Variants in MACROD2 observed in about 807,000 individuals in gnomAD.
The protein encoded by MACROD2 is ADP-ribose glycohydrolase MACROD2.
MACROD2 carries 36 observed loss-of-function variants against 70.4 expected under a neutral mutation model. The observed-to-expected ratio is 0.51, with a 90% CI of 0.39 to 0.68. MACROD2 has a LOEUF of 0.68. Among genes scored for constraint, MACROD2 ranks in the 30% least tolerant of loss-of-function variants. MACROD2 has a pLI of 0.00. For missense variants in MACROD2, 496 were observed against 538.4 expected (o/e 0.92, Z 0.78); for synonymous variants, 172 against 178.8 (o/e 0.96, Z 0.30).
chr20:14,767,567 C>T (rs1195334470), intron 5 of MACROD2, among the ~76,000 whole-genome samples: 1 of 152,016 alleles, frequency 6.6e-6, no homozygotes, highest in African/African-American at 2.4e-5. Context: ...GGAACCCACT[C>T]AGTCTTACTG....
intron 5 of MACROD2, among the ~76,000 whole-genome samples, chr20:15,108,494 T>C (rs1411067652): frequency 4.6e-5 from 7 of 152,124 alleles, no homozygotes; most frequent in Non-Finnish European, 1.0e-4. Flanking sequence ...CCTTATTCTA[T>C]ACCTAATGAT....
chr20:13,998,810 C>T (rs1406103872), intron 1 of MACROD2, among the ~76,000 whole-genome samples: 1 of 152,012 alleles, frequency 6.6e-6, no homozygotes, highest in Non-Finnish European at 1.5e-5. Context: ...AAAAAATTAG[C>T]CGGTCGTGGT....
At chr20:14,629,978 T>TCTAC (rs1331314581) in intron 4 of MACROD2, among the ~76,000 whole-genome samples, 1 of 151,978 alleles carries the variant, frequency 6.6e-6, no homozygotes, top group Non-Finnish European at 1.5e-5. Flanking sequence ...TATCTATCTA[T>TCTAC]CTATCTATCT....
At chr20:14,438,571 C>T (rs2122950882) in intron 3 of MACROD2, among the ~76,000 whole-genome samples, 1 of 152,268 alleles carries the variant, frequency 6.6e-6, no homozygotes, top group South Asian at 2.1e-4. Context: ...CTTACCAACA[C>T]TTGTTAGCTC....
chr20:15,597,044 TC>T (rs2048755324), intron 8 of MACROD2, among the ~76,000 whole-genome samples: 1 of 152,222 alleles, frequency 6.6e-6, no homozygotes, highest in Non-Finnish European at 1.5e-5. Flanking sequence ...TCAAACCCCT[TC>T]CTCATACTGT....
intron 6 of MACROD2, among the ~76,000 whole-genome samples, chr20:15,370,127 A>G (rs994257337): frequency 3.3e-5 from 5 of 152,114 alleles, no homozygotes; most frequent in Non-Finnish European, 5.9e-5. Context: ...TTTTTAAGAA[A>G]GATCGGAAAC....
At chr20:14,042,666 A>AT (rs2053409204) in intron 2 of MACROD2, among the ~76,000 whole-genome samples, 1 of 151,994 alleles carries the variant, frequency 6.6e-6, no homozygotes, top group East Asian at 1.9e-4. Context: ...TGTCCAGTTA[A>AT]TTTTTGTATT....
intron 5 of MACROD2, among the ~76,000 whole-genome samples, chr20:15,106,060 C>T (rs559891783): frequency 1.4e-4 from 21 of 152,214 alleles, no homozygotes; most frequent in Middle Eastern, 3.4e-3. Context: ...AAAATTATAA[C>T]ACTGCTTTGC....
intron 8 of MACROD2, among the ~76,000 whole-genome samples, chr20:15,622,585 G>A (rs1456210783): frequency 1.3e-5 from 2 of 152,156 alleles, no homozygotes; most frequent in Admixed American, 6.5e-5. Flanking sequence ...ATCTCGGGGA[G>A]CAGGATGGCA....
chr20:14,156,545 G>A (rs1034233074), intron 3 of MACROD2, among the ~76,000 whole-genome samples: 12 of 152,162 alleles, frequency 7.9e-5, no homozygotes, highest in African/African-American at 2.2e-4. Context: ...CATTTTCATC[G>A]TCAGTGGCAA....
chr20:14,848,614 G>A (rs2122303325), intron 5 of MACROD2, among the ~76,000 whole-genome samples: 1 of 152,238 alleles, frequency 6.6e-6, no homozygotes. Context: ...GTCTGATATA[G>A]CAAGCACCTG....
At chr20:14,964,200 T>G (rs1466628440) in intron 5 of MACROD2, among the ~76,000 whole-genome samples, 1 of 152,152 alleles carries the variant, frequency 6.6e-6, no homozygotes, top group Admixed American at 6.5e-5. Context: ...TTAAGTATAT[T>G]AGGATAGCAA....
chr20:15,909,738 T>C (rs893561253), intron 10 of MACROD2, among the ~76,000 whole-genome samples: 10 of 151,926 alleles, frequency 6.6e-5, no homozygotes, highest in Non-Finnish European at 1.3e-4. Context: ...TTAGCCGGGA[T>C]GGTCTCGATC....
chr20:15,725,992 A>C (rs184328969), intron 8 of MACROD2, among the ~76,000 whole-genome samples: 1 of 152,254 alleles, frequency 6.6e-6, no homozygotes, highest in East Asian at 1.9e-4. Flanking sequence ...AAATCTGTAC[A>C]TTATGGGGGT....
chr20:14,653,767 CTGGCTGCAGGA>C (rs1985818161), intron 4 of MACROD2, among the ~76,000 whole-genome samples: 2 of 152,138 alleles, frequency 1.3e-5, no homozygotes, highest in Non-Finnish European at 2.9e-5. Flanking sequence ...TGCCTTTATT[CTGGCTGCAGGA>C]GCATGGTTGG....
At chr20:15,689,682 T>C (rs549094224) in intron 8 of MACROD2, among the ~76,000 whole-genome samples, 1 of 152,092 alleles carries the variant, frequency 6.6e-6, no homozygotes, top group Admixed American at 6.5e-5. Context: ...GGAGGAGTGG[T>C]CTGGAAGGAC....
chr20:14,853,529 A>G (rs1798252503), intron 5 of MACROD2, among the ~76,000 whole-genome samples: 1 of 152,110 alleles, frequency 6.6e-6, no homozygotes. Flanking sequence ...AAATGAAGAA[A>G]GGCAATAAAG....
chr20:14,164,332 G>T (rs1445012616), intron 3 of MACROD2, among the ~76,000 whole-genome samples: 1 of 152,142 alleles, frequency 6.6e-6, no homozygotes, highest in East Asian at 1.9e-4. Context: ...GGCCCCAGTG[G>T]TGGCAGCAGT....
chr20:14,274,943 A>T (rs895804892), intron 3 of MACROD2, among the ~76,000 whole-genome samples: 2 of 152,140 alleles, frequency 1.3e-5, no homozygotes, highest in African/African-American at 4.8e-5. Flanking sequence ...CTTACAAGGG[A>T]TGTGAAGGAC....
Sources: gnomAD v4.1 joint callset for allele counts (sites outside exome capture counted in the v4.1 genomes callset) on GRCh38, gnomAD v4.1.1 for gene constraint, MANE v1.5 for transcripts, NCBI Gene and HGNC (gene_info 2026-07-23, HGNC 2026-07-21) for gene names.